The following TBC1D22A variants were observed in gnomAD, a reference collection of about 807,000 sequenced individuals.
TBC1D22A encodes the protein putative GTPase activator.
In TBC1D22A, 38 loss-of-function variants were observed where a neutral mutation model predicts 60.2. The ratio of observed to expected loss-of-function variants is 0.63; its 90% CI spans 0.49 to 0.83. The LOEUF (loss-of-function observed/expected upper bound fraction) is 0.83. Among genes scored for constraint, TBC1D22A ranks in the 40% least tolerant of loss-of-function variants. The pLI, the probability that TBC1D22A is intolerant of heterozygous loss-of-function variation, is 0.00. For synonymous variants in TBC1D22A, 302 were observed against 281.7 expected, an observed-to-expected ratio of 1.07 and a Z score of -0.72; for missense variants, 628 against 701.0, an observed-to-expected ratio of 0.90 and a Z score of 1.18.
chr22:47,002,736 G>C (rs2061441716), intron 10 of TBC1D22A, among the ~76,000 whole-genome samples: 1 of 152,196 alleles, frequency 6.6e-6, no homozygotes, highest in African/African-American at 2.4e-5. Context: ...CGTTGGATGA[G>C]GGGAGTGGGA....
At chr22:46,999,589 C>T (rs1490620927) in intron 10 of TBC1D22A, among the ~76,000 whole-genome samples, 1 of 152,138 alleles carries the variant, frequency 6.6e-6, no homozygotes, top group Non-Finnish European at 1.5e-5. Context: ...CTGCAGGTCT[C>T]GGCCACGTGA....
At chr22:46,868,561 G>T (rs2067161358) in intron 4 of TBC1D22A, among the ~76,000 whole-genome samples, 3 of 152,166 alleles carry the variant, frequency 2.0e-5, no homozygotes, top group African/African-American at 7.2e-5. Context: ...ACTGGAAAGA[G>T]TAGTCCTCCG....
At chr22:47,023,400 C>T (rs1298915227) in intron 10 of TBC1D22A, among the ~76,000 whole-genome samples, 2 of 152,146 alleles carry the variant, frequency 1.3e-5, no homozygotes, top group South Asian at 2.1e-4. Flanking sequence ...AATCTGTGGT[C>T]CCCTAAAGGG....
chr22:46,955,214 GT>G (rs2073125212), intron 8 of TBC1D22A, among the ~76,000 whole-genome samples: 1 of 152,150 alleles, frequency 6.6e-6, no homozygotes. Context: ...TGTTTGATTT[GT>G]TATTGAAGTG....
intron 10 of TBC1D22A, among the ~76,000 whole-genome samples, chr22:47,000,373 G>C (rs2075272114): frequency 2.0e-5 from 3 of 152,082 alleles, no homozygotes; most frequent in Admixed American, 2.0e-4. Flanking sequence ...TTGTGGTAAG[G>C]AGTTGTGAAA....
At chr22:47,155,616 C>T (rs918297399) in intron 12 of TBC1D22A, among the ~76,000 whole-genome samples, 11 of 151,574 alleles carry the variant, frequency 7.3e-5, no homozygotes, top group African/African-American at 2.2e-4. Flanking sequence ...TGAGGGCCGG[C>T]GAGGACGCGT....
At chr22:46,838,666 A>ATAC (rs1361226538) in intron 4 of TBC1D22A, among the ~76,000 whole-genome samples, 9 of 152,252 alleles carry the variant, frequency 5.9e-5, no homozygotes. Context: ...TCTCATCAAA[A>ATAC]TACTAGCAAA....
chr22:47,058,557 C>A (rs1452782903), intron 11 of TBC1D22A, among the ~76,000 whole-genome samples: 1 of 152,010 alleles, frequency 6.6e-6, no homozygotes, highest in Non-Finnish European at 1.5e-5. Context: ...CTTCTCTGAT[C>A]CCTCTGCCCT....
chr22:46,947,451 A>G (rs1020841107), intron 8 of TBC1D22A, among the ~76,000 whole-genome samples: 2 of 152,172 alleles, frequency 1.3e-5, no homozygotes, highest in Non-Finnish European at 2.9e-5. Flanking sequence ...TCAGTCCTCC[A>G]CCGTCATCTA....
chr22:46,996,648 T>A (rs986576716), intron 9 of TBC1D22A, among the ~76,000 whole-genome samples: 2 of 152,226 alleles, frequency 1.3e-5, no homozygotes, highest in Non-Finnish European at 1.5e-5. Flanking sequence ...ACCACGAGTC[T>A]GGTTGAAACC....
At chr22:46,893,681 C>T (rs2068522388) in intron 6 of TBC1D22A, among the ~76,000 whole-genome samples, 1 of 152,234 alleles carries the variant, frequency 6.6e-6, no homozygotes, top group African/African-American at 2.4e-5. Context: ...GGCCCTTGTC[C>T]CTGCTGGCAC....
intron 10 of TBC1D22A, among the ~76,000 whole-genome samples, chr22:47,013,956 A>C (rs1441456049): frequency 6.6e-6 from 1 of 152,204 alleles, no homozygotes; most frequent in Admixed American, 6.5e-5. Flanking sequence ...CTCCCCATCC[A>C]GAGACCCTCG....
chr22:46,828,707 A>G (rs978409271), intron 4 of TBC1D22A, among the ~76,000 whole-genome samples: 5 of 152,026 alleles, frequency 3.3e-5, no homozygotes, highest in African/African-American at 9.6e-5. Context: ...CACACCTCTC[A>G]CCACCTCCCA....
chr22:47,066,804 C>T (rs1417847697), intron 11 of TBC1D22A, among the ~76,000 whole-genome samples: 3 of 152,212 alleles, frequency 2.0e-5, no homozygotes. Flanking sequence ...CTGCTCTCCT[C>T]CCTTGGCCCA....
In TBC1D22A at chr22:47,004,549, C is replaced by G. The variant is rs1036576698; in HGVS notation, c.1201+6840C>G. On this transcript the variant is annotated intron_variant, in intron 10 of 12. Transcript: ENST00000337137. ...TACACACACCTGCCATATACACAGG[C>G]AGGCTCCTGTACACACACCCCTGCA... Among the ~76,000 whole-genome samples the G allele has an allele frequency of 1.3e-5, 2 of 151,574 alleles. 1 individual carries two copies. The highest frequency in any genetic ancestry group is 2.9e-5 in the Non-Finnish European group (2 of 67,820).
chr22:46,853,532 G>A (rs2087401340), intron 4 of TBC1D22A, among the ~76,000 whole-genome samples: 1 of 152,188 alleles, frequency 6.6e-6, no homozygotes, highest in South Asian at 2.1e-4. Context: ...GTGAGGGAGT[G>A]AGGGCTTCAC....
intron 4 of TBC1D22A, among the ~76,000 whole-genome samples, chr22:46,814,843 A>G (rs1278705122): frequency 6.6e-6 from 1 of 150,470 alleles, no homozygotes; most frequent in Non-Finnish European, 1.5e-5. Flanking sequence ...TAGTAGAGAC[A>G]GGGTTTCACC....
At chr22:46,891,468 TTA>T in intron 6 of TBC1D22A, 74 bp downstream of exon 6, 1 of 1,480,332 alleles carries the variant, frequency 6.8e-7, no homozygotes, top group Non-Finnish European at 9.0e-7. Flanking sequence ...AGGAAATGTT[TTA>T]TCAAAACCAT....
intron 9 of TBC1D22A, among the ~76,000 whole-genome samples, chr22:46,995,224 CA>C (rs2075079785): frequency 6.6e-6 from 1 of 152,210 alleles, no homozygotes; most frequent in Non-Finnish European, 1.5e-5. Flanking sequence ...TCCTGCTACA[CA>C]AGGTCACCGG....
Sources: allele counts gnomAD v4.1 joint callset (sites outside exome capture counted in the v4.1 genomes callset), GRCh38; gene constraint gnomAD v4.1.1; transcripts MANE v1.5; gene names NCBI Gene and HGNC (gene_info 2026-07-23, HGNC 2026-07-21).